Variants in RGS6 observed in about 807,000 individuals in gnomAD.
RGS6 encodes the protein regulator of G-protein signaling 6.
A neutral mutation model predicts 78.5 loss-of-function variants in RGS6; 30 were observed. That is an observed-to-expected ratio of 0.38 (90% confidence interval 0.29 to 0.52). The LOEUF is 0.52. RGS6 is among the 20% of genes least tolerant of loss of function. The probability of loss-of-function intolerance (pLI) is 0.85; values close to 1 mark genes in which losing one functional copy is unlikely to be tolerated. For synonymous variants in RGS6, 206 were observed against 206.0 expected, an observed-to-expected ratio of 1.00 and a Z score of 0.00; for missense variants, 495 against 609.7, an observed-to-expected ratio of 0.81 and a Z score of 1.98.
In RGS6 at chr14:72,158,705, G is replaced by A. The variant is rs567796378; in HGVS notation, c.85-193390G>A. 2.3e-4 allele frequency among the ~76,000 whole-genome samples: 35 copies of A among 152,252 alleles called. 1 individual carries two copies. Among genetic ancestry groups the A allele is most frequent in the Middle Eastern group, 3.4e-3 (1 of 294 alleles). ...CATGCACTCTTTTTATGTAAGAGGG[G>A]TAATAATAGAGCCAGTGAAATACTG... On this transcript the variant is annotated intron_variant, in intron 2 of 17. Transcript: ENST00000553525.
intron 2 of RGS6, among the ~76,000 whole-genome samples, chr14:72,064,082 T>C (rs1423490334): frequency 6.6e-6 from 1 of 151,694 alleles, no homozygotes; most frequent in African/African-American, 2.4e-5. Context: ...GGTCATAGTT[T>C]TGCAATCTGA....
chr14:72,538,751 C>G (rs1441653480), intron 16 of RGS6, among the ~76,000 whole-genome samples: 1 of 152,230 alleles, frequency 6.6e-6, no homozygotes, highest in South Asian at 2.1e-4. Flanking sequence ...AGAAGAAAGG[C>G]CAGCCCAACT....
intron 2 of RGS6, among the ~76,000 whole-genome samples, chr14:72,236,674 T>C (rs2051134921): frequency 6.6e-6 from 1 of 150,508 alleles, no homozygotes; most frequent in South Asian, 2.1e-4. Flanking sequence ...TCCCAGACGG[T>C]GGAGGGGCCG....
intron 2 of RGS6, among the ~76,000 whole-genome samples, chr14:72,305,284 C>G (rs1463602300): frequency 3.3e-5 from 5 of 152,120 alleles, no homozygotes; most frequent in African/African-American, 1.2e-4. Context: ...CATTTACCTT[C>G]TTTTGTGGAT....
chr14:72,190,143 G>A (rs1160322749), intron 2 of RGS6, among the ~76,000 whole-genome samples: 1 of 152,088 alleles, frequency 6.6e-6, no homozygotes, highest in East Asian at 1.9e-4. Flanking sequence ...GATCATCTGG[G>A]CCTCTCTGGG....
intron 2 of RGS6, among the ~76,000 whole-genome samples, chr14:72,268,175 G>C (rs927582027): frequency 6.6e-6 from 1 of 152,198 alleles, no homozygotes; most frequent in African/African-American, 2.4e-5. Flanking sequence ...ACACTCATTT[G>C]AAATACCCCA....
chr14:72,533,982 G>A (rs1241639720), intron 15 of RGS6, among the ~76,000 whole-genome samples: 1 of 152,212 alleles, frequency 6.6e-6, no homozygotes, highest in Non-Finnish European at 1.5e-5. Flanking sequence ...TGACGGGATT[G>A]ACTGCAATTT....
At chr14:72,440,704 C>A (rs755415549) in intron 3 of RGS6, among the ~76,000 whole-genome samples, 1 of 152,124 alleles carries the variant, frequency 6.6e-6, no homozygotes, top group Non-Finnish European at 1.5e-5. Context: ...TGAACCACCG[C>A]GCCTGGTGAG....
chr14:71,924,801 GTTTC>G, the RGS6 span, among the ~76,000 whole-genome samples: 4 of 152,178 alleles, frequency 2.6e-5, no homozygotes, highest in African/African-American at 7.2e-5. Flanking sequence ...CATAATAACA[GTTTC>G]TTTATCCATT....
chr14:72,450,092 C>A (rs1212811028), intron 3 of RGS6, among the ~76,000 whole-genome samples: 2 of 152,048 alleles, frequency 1.3e-5, no homozygotes, highest in Non-Finnish European at 2.9e-5. Context: ...TTATTTGATG[C>A]CTCCCGCTCC....
At chr14:72,034,674 A>G (rs968706211) in intron 2 of RGS6, among the ~76,000 whole-genome samples, 1 of 152,164 alleles carries the variant, frequency 6.6e-6, no homozygotes, top group Non-Finnish European at 1.5e-5. Context: ...GCTGGCCTCA[A>G]AAAAATGAGT....
chr14:71,877,853 T>C, the RGS6 span, among the ~76,000 whole-genome samples: 1 of 152,204 alleles, frequency 6.6e-6, no homozygotes, highest in Non-Finnish European at 1.5e-5. Flanking sequence ...GACATACAAA[T>C]GGGGTTTTGG....
At chr14:71,908,035 G>C in the RGS6 span, 2 of 152,216 alleles carry the variant, frequency 1.3e-5, no homozygotes, top group Non-Finnish European at 2.9e-5. Context: ...GAAGGAAGCA[G>C]GCACCCAGGT....
At chr14:72,554,842 G>A (rs1440685276) in intron 17 of RGS6, among the ~76,000 whole-genome samples, 20 of 152,234 alleles carry the variant, frequency 1.3e-4, no homozygotes, top group Admixed American at 6.5e-5. Context: ...ACGCGAGACC[G>A]GGGAGTCTGG....
chr14:71,931,219 TG>T (rs905666148), upstream of RGS6, among the ~76,000 whole-genome samples: 5 of 152,148 alleles, frequency 3.3e-5, no homozygotes, highest in Non-Finnish European at 5.9e-5. Flanking sequence ...CTCACTAGGC[TG>T]GGTATGGTTT....
At chr14:72,084,829 G>T (rs560396739) in intron 2 of RGS6, among the ~76,000 whole-genome samples, 1 of 152,210 alleles carries the variant, frequency 6.6e-6, no homozygotes, top group East Asian at 1.9e-4. Flanking sequence ...TATTGTGGCT[G>T]CTCATGTTCC....
intron 2 of RGS6, among the ~76,000 whole-genome samples, chr14:72,167,983 T>G (rs141527338): frequency 7.9e-5 from 12 of 152,162 alleles, no homozygotes; most frequent in African/African-American, 2.4e-4. Flanking sequence ...GTGGGGATTC[T>G]GGGAAGAGGG....
chr14:72,003,784 C>T (rs1432954037), intron 2 of RGS6, among the ~76,000 whole-genome samples: 1 of 152,090 alleles, frequency 6.6e-6, no homozygotes, highest in Non-Finnish European at 1.5e-5. Flanking sequence ...AAGGCCTCAC[C>T]CTACCCAGTG....
At chr14:72,418,464 G>A (rs751377515) in intron 3 of RGS6, among the ~76,000 whole-genome samples, 1 of 152,132 alleles carries the variant, frequency 6.6e-6, no homozygotes, top group African/African-American at 2.4e-5. Context: ...ACCGCGCCCG[G>A]CCCGCTTCAA....
Sources: gnomAD v4.1 joint callset for allele counts (sites outside exome capture counted in the v4.1 genomes callset) on GRCh38, gnomAD v4.1.1 for gene constraint, MANE v1.5 for transcripts, NCBI Gene and HGNC (gene_info 2026-07-23, HGNC 2026-07-21) for gene names.